BAIAP2: variants seen among roughly 807,000 people sequenced by gnomAD.
The protein encoded by BAIAP2 is BAR/IMD domain containing adaptor protein 2.
Under a neutral mutation model 63.0 loss-of-function variants are expected in BAIAP2, and 18 were observed. The observed-to-expected ratio is 0.29, with a 90% CI of 0.20 to 0.42. The LOEUF is 0.42. BAIAP2 is among the 10% of genes least tolerant of loss of function. BAIAP2 has a pLI of 1.00. For missense variants in BAIAP2, 610 were observed against 734.3 expected, an observed-to-expected ratio of 0.83 and a Z score of 1.96; for synonymous variants, 386 against 307.6, an observed-to-expected ratio of 1.25 and a Z score of -2.67.
chr17:81,044,127 G>C (rs1168285102), intron 1 of BAIAP2, among the ~76,000 whole-genome samples: 2 of 152,206 alleles, frequency 1.3e-5, no homozygotes, highest in Non-Finnish European at 2.9e-5. Context: ...CCACCTGCCT[G>C]ACCTGAGGTT....
intron 1 of BAIAP2, among the ~76,000 whole-genome samples, chr17:81,047,329 A>G (rs2047956083): frequency 3.3e-5 from 5 of 151,956 alleles, no homozygotes; most frequent in Admixed American, 3.3e-4. Context: ...CCAGTGTAAG[A>G]TGGGACAGTG....
chr17:81,040,137 C>T (rs753409346), intron 1 of BAIAP2, among the ~76,000 whole-genome samples: 3 of 152,230 alleles, frequency 2.0e-5, no homozygotes, highest in African/African-American at 4.8e-5. Flanking sequence ...CCACTGACTG[C>T]TGGTTGAGGC....
intron 6 of BAIAP2, among the ~76,000 whole-genome samples, chr17:81,093,105 TG>T (rs2057065950): frequency 6.9e-6 from 1 of 145,502 alleles, no homozygotes; most frequent in African/African-American, 2.5e-5. Flanking sequence ...TGGGCTGGGC[TG>T]GGCTGGGCTG....
intron 1 of BAIAP2, among the ~76,000 whole-genome samples, chr17:81,039,946 C>T (rs958217349): frequency 6.6e-6 from 1 of 152,162 alleles, no homozygotes; most frequent in Non-Finnish European, 1.5e-5. Flanking sequence ...AGGTCTGGGC[C>T]CTGGTCAGGG....
At chr17:81,107,166 C>T in intron 12 of BAIAP2, 3 of 480,362 alleles carry the variant, frequency 6.2e-6, no homozygotes, top group South Asian at 3.2e-5. Flanking sequence ...GTGCCCTCAG[C>T]CAGCCACGGG....
In BAIAP2 at chr17:81,103,664, G is replaced by C; in HGVS notation, c.805G>C (p.Asp269His). Residue 269 changes from aspartate to histidine, a missense_variant, in exon 8 of 14, where the codon GAC becomes CAC. Asp to His is a moderately conservative substitution (Grantham distance 81, BLOSUM62 -1). Coordinates refer to ENST00000428708, the MANE Select transcript of BAIAP2 (RefSeq NM_001144888.2). The stretch of plus-strand genomic sequence containing the variant: ...CTCCAAGTCCAACCTGGTCATTTCC[G>C]ACCCCATTCCGGGGGCCAAGCCCCT... ...SASKSNLVIS[D>H]PIPGAKPLPV... The C allele has an allele frequency of 6.2e-7, 1 of 1,601,682 alleles. No individual in the cohort carries two copies. The highest frequency in any genetic ancestry group is 8.5e-7 in the Non-Finnish European group (1 of 1,175,340).
Position 81,116,727 on chromosome 17 carries a change from G to C in BAIAP2, c.*888G>C, listed in dbSNP as rs1166684633. 1 of 234,916 alleles carries C rather than the reference G, an allele frequency of 4.3e-6. No individual in the cohort carries two copies. The highest frequency in any genetic ancestry group is 9.7e-5 in the East Asian group (1 of 10,270). The allele number at this position is 234,916 out of a possible 1,614,324, so 14.6% of individuals were successfully genotyped here. On this transcript the variant is annotated 3_prime_UTR_variant, in exon 14 of 14. Coordinates refer to ENST00000428708, the MANE Select transcript of BAIAP2 (RefSeq NM_001144888.2). ...TTTAAAACTTCATTAGCAGATTTGTGCTCTTCCATACTGTTTGTTTGTTTG... is the reference window on the plus strand; with the variant it reads ...TTTAAAACTTCATTAGCAGATTTGTCCTCTTCCATACTGTTTGTTTGTTTG...
rs369681958 is a variant in BAIAP2, at chr17:81,105,055, C to T, written c.1268+340C>T. 54 of 230,304 alleles carry T rather than the reference C, an allele frequency of 2.3e-4. No homozygotes were observed. The East Asian group carries it at 6.8e-3, about 29-fold the overall frequency. The allele number at this position is 230,304 out of a possible 1,614,324, so 14.3% of individuals were successfully genotyped here. ...CAATGGCAGGGGTCTTTCCCCATGG[C>T]AGGGGTCTCCCCCCAATGGCTCGGG... On this transcript the variant is annotated intron_variant, in intron 10 of 13. Coordinates refer to ENST00000428708, the MANE Select transcript of BAIAP2 (RefSeq NM_001144888.2).
At chr17:81,098,529 G>A (rs962092981) in intron 6 of BAIAP2, among the ~76,000 whole-genome samples, 1 of 152,086 alleles carries the variant, frequency 6.6e-6, no homozygotes, top group East Asian at 1.9e-4. Flanking sequence ...GGGGTTGTGC[G>A]ATCACCACCA....
chr17:81,093,854 C>T (rs2057210729), intron 6 of BAIAP2, among the ~76,000 whole-genome samples: 2 of 152,158 alleles, frequency 1.3e-5, no homozygotes, highest in Non-Finnish European at 2.9e-5. Flanking sequence ...AGCGTGGAGT[C>T]TGGCGACGTG....
chr17:81,067,044 G>A (rs116558442), intron 3 of BAIAP2, among the ~76,000 whole-genome samples: 37 of 152,340 alleles, frequency 2.4e-4, no homozygotes, highest in African/African-American at 4.6e-4. Flanking sequence ...GGTTGGTCCC[G>A]GACCTCCAGC....
chr17:81,102,107 G>C (rs1042240827), intron 7 of BAIAP2, among the ~76,000 whole-genome samples: 1 of 152,222 alleles, frequency 6.6e-6, no homozygotes, highest in South Asian at 2.1e-4. Context: ...TCCTGGGCTC[G>C]TGGGCCCCCG....
chr17:81,036,908 CCTT>C (rs751251028), intron 1 of BAIAP2: 162 of 1,535,780 alleles, frequency 1.1e-4, no homozygotes, highest in East Asian at 1.7e-4. Context: ...TATTTTTTCT[CCTT>C]CTGCGCTGAA....
At chr17:81,040,341 C>G (rs1309340721) in intron 1 of BAIAP2, among the ~76,000 whole-genome samples, 2 of 152,248 alleles carry the variant, frequency 1.3e-5, no homozygotes, top group Admixed American at 1.3e-4. Flanking sequence ...GCGCTAAGAT[C>G]CCTAGTAATT....
At chr17:81,048,356 C>CA (rs5822388) in intron 1 of BAIAP2, among the ~76,000 whole-genome samples, 3,977 of 90,066 alleles carry the variant, frequency 0.044, 103 homozygotes, top group Non-Finnish European at 0.059. Context: ...GACTCTGTCT[C>CA]AAAAAAAAAA....
intron 12 of BAIAP2, chr17:81,107,187 C>T: frequency 2.2e-6 from 1 of 463,974 alleles, no homozygotes. Flanking sequence ...CAACTCACTG[C>T]TCTGTCCAAG....
chr17:81,099,944 G>C lies in BAIAP2; in HGVS notation c.506G>C (p.Ser169Thr). 1 of 1,613,358 alleles carries C rather than the reference G, an allele frequency of 6.2e-7. No homozygotes were observed. The highest frequency in any genetic ancestry group is 8.5e-7 in the Non-Finnish European group (1 of 1,179,862). The change falls in exon 7 of 14, where the codon AGC (serine) becomes ACC (threonine). Residue 169 changes from serine to threonine, a missense_variant. By Grantham distance (58) the Ser-to-Thr change is moderately conservative. Transcript: ENST00000428708. ...CCTCCACAGTACATCGACGCCATCAGCAACAAGCAGGGCGAGCTGGAGAAT... is the reference window on the plus strand; with the variant it reads ...CCTCCACAGTACATCGACGCCATCACCAACAAGCAGGGCGAGCTGGAGAAT... Reference protein sequence around the residue: ...DKELQYIDAISNKQGELENYV... With the variant: ...DKELQYIDAITNKQGELENYV...
At chr17:81,100,291 C>T (rs1026948653) in intron 7 of BAIAP2, among the ~76,000 whole-genome samples, 9 of 152,194 alleles carry the variant, frequency 5.9e-5, no homozygotes, top group African/African-American at 1.9e-4. Flanking sequence ...TAGAAATTGC[C>T]ACCTGCAACC....
intron 1 of BAIAP2, among the ~76,000 whole-genome samples, chr17:81,035,604 C>T (rs947952673): frequency 2.0e-5 from 3 of 150,548 alleles, no homozygotes; most frequent in Admixed American, 6.6e-5. Flanking sequence ...GACGGCCCTG[C>T]TCGGCCCCCG....
Sources: allele counts gnomAD v4.1 joint callset (sites outside exome capture counted in the v4.1 genomes callset), GRCh38; gene constraint gnomAD v4.1.1; transcripts MANE v1.5; gene names NCBI Gene and HGNC (gene_info 2026-07-23, HGNC 2026-07-21).